The following JRK variants were observed in gnomAD, a reference collection of about 807,000 sequenced individuals.
JRK encodes the protein jerky protein homolog.
For missense variants in JRK, 720 were observed against 509.2 expected (o/e 1.41, Z -3.98); for synonymous variants, 303 against 218.1 (o/e 1.39, Z -3.43).
chr8:142,644,687 C>T, the JRK span, among the ~76,000 whole-genome samples: 1 of 151,680 alleles, frequency 6.6e-6, no homozygotes, highest in Non-Finnish European at 1.5e-5. Flanking sequence ...AGTGCTAACT[C>T]GATTTCAAAA....
rs782629877 is a variant in JRK at position 142,660,716 on chromosome 8, T to C, written c.*3636A>G. ...CACACCCGGATCCCCAATAAGCACA[T>C]TTATGTGGGGCGTGAGGTGAGGTCC... On this transcript the variant is annotated 3_prime_UTR_variant, in exon 2 of 2. Coordinates refer to ENST00000612905, the MANE Select transcript of JRK (RefSeq NM_003724.4). 1.0e-6 allele frequency: 1 copy of C among 985,458 alleles called. No individual in the cohort carries two copies. 61.0% of individuals were successfully genotyped at this position (985,458 alleles called of 1,614,324 possible). A position where few individuals can be genotyped will look rare whatever the true frequency, so the allele number is the denominator to read the frequency against.
At chr8:142,650,197 G>A in the JRK span, among the ~76,000 whole-genome samples, 1 of 152,218 alleles carries the variant, frequency 6.6e-6, no homozygotes, top group African/African-American at 2.4e-5. Flanking sequence ...CCCAATGCAT[G>A]TACCCCCATT....
chr8:142,660,426 T>C lies in JRK; in HGVS notation c.*3926A>G. 1 of 984,580 alleles carries C rather than the reference T, an allele frequency of 1.0e-6. No homozygotes were observed. 61.0% of individuals were successfully genotyped at this position (984,580 alleles called of 1,614,324 possible). On this transcript the variant is annotated 3_prime_UTR_variant, in exon 2 of 2. Transcript: ENST00000612905. ...TTTTGTTATTTTTTGTTTTTAGAGA[T>C]TAGGTCTCTCACTCTGTCACCCAGG...
At chr8:142,652,607 G>T (rs1846686887), downstream of JRK, among the ~76,000 whole-genome samples, 1 of 152,086 alleles carries the variant, frequency 6.6e-6, no homozygotes, top group Non-Finnish European at 1.5e-5. Flanking sequence ...CATTCCATAG[G>T]CCCCTCCCCA....
downstream of JRK, among the ~76,000 whole-genome samples, chr8:142,656,005 C>T (rs4518642): frequency 0.55 from 83,162 of 151,778 alleles, 24,048 homozygotes; most frequent in Admixed American, 0.66. Flanking sequence ...TTTAGTTCTT[C>T]AATCATGTCC....
chr8:142,652,167 G>A, the JRK span, among the ~76,000 whole-genome samples: 1 of 152,174 alleles, frequency 6.6e-6, no homozygotes, highest in Non-Finnish European at 1.5e-5. Flanking sequence ...AGCACTCATA[G>A]GAGATTTTTT....
chr8:142,661,611 G>A lies in JRK; in HGVS notation c.*2741C>T, dbSNP rs1288498404. The A allele has an allele frequency of 2.0e-6, 2 of 985,458 alleles. No homozygotes were observed. The highest frequency in any genetic ancestry group is 2.4e-6 in the Non-Finnish European group (2 of 829,964). 61.0% of individuals were successfully genotyped at this position (985,458 alleles called of 1,614,324 possible). On this transcript the variant is annotated 3_prime_UTR_variant, in exon 2 of 2. Coordinates refer to ENST00000612905, the MANE Select transcript of JRK (RefSeq NM_003724.4). ...AGACAGGGAGTGGCTCCAGCCTGGT[G>A]CTCACAGATAAAACGCGGAGGCATT...
downstream of JRK, among the ~76,000 whole-genome samples, chr8:142,656,474 T>TTTAAATGCTGCCCCAGACA (rs1285156941): frequency 6.6e-6 from 1 of 151,750 alleles, no homozygotes; most frequent in Admixed American, 6.6e-5. Flanking sequence ...ATTGTTCTGT[T>TTTAAATGCTGCCCCAGACA]TAAACTGCTT....
chr8:142,667,447 A>ACACAC (rs200524909), intron 1 of JRK, among the ~76,000 whole-genome samples: 5,190 of 150,988 alleles, frequency 0.034, 112 homozygotes, highest in Non-Finnish European at 0.052. Flanking sequence ...ACACACACAC[A>ACACAC]CACACACACA....
chr8:142,664,535 A>T lies in JRK; in HGVS notation c.1524T>A (p.Ser508Arg), dbSNP rs1471573162. ...CCCGCAGCTGCCCCACTTCCTGCGC[A>T]CTGAAGCATGGCTGCCGCTCCGCAA... ...LRFAERQPCF[S>R]AQEVGQLRAL... The change falls in exon 2 of 2, where the codon AGT (serine) becomes AGA (arginine). Residue 508 changes from serine (S) to arginine (R), a missense_variant. Transcript: ENST00000612905. 6.2e-7 allele frequency: 1 copy of T among 1,608,370 alleles called. No homozygotes were observed. The highest frequency in any genetic ancestry group is 1.3e-5 in the African/African-American group (1 of 74,810).
At chr8:142,644,324 T>C in the JRK span, among the ~76,000 whole-genome samples, 89,984 of 151,908 alleles carry the variant, frequency 0.59, 28,089 homozygotes, top group Admixed American at 0.69. Context: ...CTGTGGCACA[T>C]GATAATTTAA....
rs1018413665 is a variant in JRK at position 142,663,671 on chromosome 8, G to A, written c.*681C>T. 3.9e-5 allele frequency: 38 copies of A among 985,348 alleles called. No homozygotes were observed. Among genetic ancestry groups the A allele is most frequent in the African/African-American group, 8.7e-5 (5 of 57,244 alleles). The allele number at this position is 985,348 out of a possible 1,614,324, so 61.0% of individuals were successfully genotyped here. On this transcript the variant is annotated 3_prime_UTR_variant, in exon 2 of 2. Coordinates refer to ENST00000612905, the MANE Select transcript of JRK (RefSeq NM_003724.4). ...AGGAACTCTACCAAGTCAACTCTCC[G>A]TGGGGCCCCCCAACATCTTGGGGCC... is the stretch of plus-strand genomic sequence containing the variant.
the JRK span, among the ~76,000 whole-genome samples, chr8:142,645,620 C>T: frequency 6.6e-6 from 1 of 151,960 alleles, no homozygotes; most frequent in Non-Finnish European, 1.5e-5. Flanking sequence ...GCGGAGCTTG[C>T]AGTGAGCCAA....
Position 142,661,840 on chromosome 8 carries a change from G to C in JRK, c.*2512C>G. On this transcript the variant is annotated 3_prime_UTR_variant, in exon 2 of 2. Coordinates refer to ENST00000612905, the MANE Select transcript of JRK (RefSeq NM_003724.4). ...TCAACCACTTGAGCTTCTGAGACGGGTCAGGAAGTGAAAACAAAGTGCTCG... is the reference window on the plus strand; with the variant it reads ...TCAACCACTTGAGCTTCTGAGACGGCTCAGGAAGTGAAAACAAAGTGCTCG... 1.0e-6 allele frequency: 1 copy of C among 985,574 alleles called. No individual in the cohort carries two copies. Among genetic ancestry groups the C allele is most frequent in the Non-Finnish European group, 1.2e-6 (1 of 830,042 alleles). The allele number at this position is 985,574 out of a possible 1,614,324, so 61.1% of individuals were successfully genotyped here. A position where few individuals can be genotyped will look rare whatever the true frequency, so the allele number is the denominator to read the frequency against.
chr8:142,650,739 G>A, the JRK span, among the ~76,000 whole-genome samples: 1 of 152,200 alleles, frequency 6.6e-6, no homozygotes, highest in Non-Finnish European at 1.5e-5. Flanking sequence ...TTTCGGGCAT[G>A]TCTTTATCAG....
At chr8:142,655,623 A>G (rs2129664346), downstream of JRK, among the ~76,000 whole-genome samples, 1 of 152,150 alleles carries the variant, frequency 6.6e-6, no homozygotes, top group East Asian at 1.9e-4. Context: ...TGTGTCCCTG[A>G]CCATCCCTGC....
chr8:142,643,788 T>C, the JRK span, among the ~76,000 whole-genome samples: 1 of 152,374 alleles, frequency 6.6e-6, no homozygotes, highest in East Asian at 1.9e-4. Context: ...TCTCCAAGTG[T>C]GTCCTCTTAT....
chr8:142,647,820 ACAGTTTGGAGGGCT>A, the JRK span, among the ~76,000 whole-genome samples: 2 of 152,222 alleles, frequency 1.3e-5, no homozygotes, highest in African/African-American at 4.8e-5. Flanking sequence ...AGGGGTTGGA[ACAGTTTGGAGGGCT>A]CAGAAGCAGC....
downstream of JRK, among the ~76,000 whole-genome samples, chr8:142,652,608 C>T (rs782585872): frequency 6.6e-6 from 1 of 152,090 alleles, no homozygotes. Flanking sequence ...ATTCCATAGG[C>T]CCCTCCCCAC....
Sources: gnomAD v4.1 joint callset for allele counts (sites outside exome capture counted in the v4.1 genomes callset) on GRCh38, gnomAD v4.1.1 for gene constraint, MANE v1.5 for transcripts, NCBI Gene and HGNC (gene_info 2026-07-23, HGNC 2026-07-21) for gene names.